The following OR1J2 variants were observed in gnomAD, a reference collection of about 807,000 sequenced individuals.
OR1J2 encodes the protein olfactory receptor family 1 subfamily J member 2, also known as olfactory receptor 1J2.
For missense variants in OR1J2, 304 were observed against 246.1 expected (o/e 1.24, Z -1.57); for synonymous variants, 142 against 99.7 (o/e 1.42, Z -2.52).
At chr9:122,553,873 A>T in the OR1J2 span, 1 of 1,613,786 alleles carries the variant, frequency 6.2e-7, no homozygotes, top group Non-Finnish European at 8.5e-7. Context: ...GTCTTCTCCT[A>T]TGTCCGCATT....
chr9:122,474,414 C>T, the OR1J2 span, among the ~76,000 whole-genome samples: 15,616 of 152,202 alleles, frequency 0.1, 1,072 homozygotes, highest in Admixed American at 0.19. Context: ...TTATCACTTC[C>T]GCCTGATGTG....
chr9:122,489,383 T>C, the OR1J2 span, among the ~76,000 whole-genome samples: 1 of 151,978 alleles, frequency 6.6e-6, no homozygotes, highest in African/African-American at 2.4e-5. Flanking sequence ...CTCACCAGAC[T>C]GTGGAGGATT....
the OR1J2 span, among the ~76,000 whole-genome samples, chr9:122,449,631 A>C: frequency 1.3e-5 from 2 of 152,042 alleles, no homozygotes; most frequent in South Asian, 2.1e-4. Flanking sequence ...GGCCTTCCAA[A>C]GTGCTGGGAT....
At chr9:122,459,957 A>G in the OR1J2 span, among the ~76,000 whole-genome samples, 3 of 152,196 alleles carry the variant, frequency 2.0e-5, no homozygotes, top group Non-Finnish European at 4.4e-5. Context: ...GGTAAAACCC[A>G]TACTTATTTT....
At chr9:122,562,414 G>A in the OR1J2 span, among the ~76,000 whole-genome samples, 9 of 152,336 alleles carry the variant, frequency 5.9e-5, no homozygotes, top group East Asian at 1.9e-4. Flanking sequence ...GAGAATCTGC[G>A]TAGCTCTGTT....
the OR1J2 span, among the ~76,000 whole-genome samples, chr9:122,461,718 C>G: frequency 1.3e-5 from 2 of 152,042 alleles, no homozygotes; most frequent in Admixed American, 6.6e-5. Context: ...CATGTATTTG[C>G]ATGGTTTTGA....
At chr9:122,491,913 T>C in the OR1J2 span, among the ~76,000 whole-genome samples, 1 of 152,068 alleles carries the variant, frequency 6.6e-6, no homozygotes, top group Non-Finnish European at 1.5e-5. Context: ...GATCAGAGAC[T>C]GGATAGATTT....
chr9:122,526,290 C>T, the OR1J2 span: 1 of 946,414 alleles, frequency 1.1e-6, no homozygotes, highest in Non-Finnish European at 1.5e-6. Flanking sequence ...TGTGGTAGAC[C>T]CCAAAATGAA....
the OR1J2 span, among the ~76,000 whole-genome samples, chr9:122,451,152 CATTATTATTATT>C: frequency 0.018 from 2,519 of 137,564 alleles, 41 homozygotes; most frequent in African/African-American, 0.044. Context: ...CTATCACCTG[CATTATTATTATT>C]ATTATTATTA....
the OR1J2 span, among the ~76,000 whole-genome samples, chr9:122,476,070 T>C: frequency 1.8e-4 from 27 of 152,308 alleles, no homozygotes; most frequent in South Asian, 2.9e-3. Context: ...AGTTAGATGA[T>C]TTTAAGGTAT....
At chr9:122,536,663 C>T in the OR1J2 span, among the ~76,000 whole-genome samples, 1 of 152,232 alleles carries the variant, frequency 6.6e-6, no homozygotes, top group African/African-American at 2.4e-5. Flanking sequence ...AAATATTCTC[C>T]CAGACTCTTG....
the OR1J2 span, chr9:122,527,086 C>G: frequency 6.2e-7 from 1 of 1,614,132 alleles, no homozygotes; most frequent in Non-Finnish European, 8.5e-7. Context: ...GACGTTAAAC[C>G]CATGTCAACA....
chr9:122,475,505 G>A, the OR1J2 span, among the ~76,000 whole-genome samples: 193 of 152,220 alleles, frequency 1.3e-3, 4 homozygotes, highest in East Asian at 0.031. Flanking sequence ...AGGATTTGGG[G>A]TTCACTATGC....
chr9:122,573,859 T>G, the OR1J2 span, among the ~76,000 whole-genome samples: 7 of 152,242 alleles, frequency 4.6e-5, no homozygotes, highest in Non-Finnish European at 5.9e-5. Flanking sequence ...TTATCCTCTA[T>G]GAGTTTCACA....
the OR1J2 span, chr9:122,553,293 C>G: frequency 5.0e-6 from 8 of 1,613,910 alleles, no homozygotes; most frequent in South Asian, 8.8e-5. Flanking sequence ...AGAGGAGCAG[C>G]CTCTTCTGTT....
At chr9:122,547,126 AT>A in the OR1J2 span, among the ~76,000 whole-genome samples, 3,654 of 150,602 alleles carry the variant, frequency 0.024, 259 homozygotes, top group East Asian at 0.29. Flanking sequence ...ACATAAAAAA[AT>A]AATAATTTAA....
the OR1J2 span, among the ~76,000 whole-genome samples, chr9:122,564,514 C>T: frequency 3.3e-5 from 5 of 152,144 alleles, no homozygotes; most frequent in East Asian, 1.9e-4. Context: ...TGCAGAGATT[C>T]GTGCCACCAT....
chr9:122,574,295 G>T, the OR1J2 span, among the ~76,000 whole-genome samples: 1 of 152,140 alleles, frequency 6.6e-6, no homozygotes, highest in African/African-American at 2.4e-5. Context: ...CCGAATTCAG[G>T]AGAATTGACC....
the OR1J2 span, among the ~76,000 whole-genome samples, chr9:122,530,179 T>A: frequency 2.6e-5 from 4 of 152,060 alleles, no homozygotes; most frequent in Admixed American, 2.6e-4. Context: ...GCCAGATCAG[T>A]AGGGGAGGCT....
Sources: allele counts gnomAD v4.1 joint callset (sites outside exome capture counted in the v4.1 genomes callset), GRCh38; gene constraint gnomAD v4.1.1; transcripts MANE v1.5; gene names NCBI Gene and HGNC (gene_info 2026-07-23, HGNC 2026-07-21).